The following CHRM3 variants were observed in gnomAD, a reference collection of about 807,000 sequenced individuals.
CHRM3 encodes cholinergic receptor muscarinic 3, also known as muscarinic acetylcholine receptor M3.
A neutral mutation model predicts 41.8 loss-of-function variants in CHRM3; 11 were observed. That is an observed-to-expected ratio of 0.26 (90% CI 0.17 to 0.44). CHRM3 has a LOEUF of 0.44. Among genes scored for constraint, CHRM3 ranks in the 20% least tolerant of loss-of-function variants. The pLI, the probability that CHRM3 is intolerant of heterozygous loss-of-function variation, is 1.00. For missense variants in CHRM3, 571 were observed against 745.4 expected (o/e 0.77, Z 2.72); for synonymous variants, 297 against 301.4 (o/e 0.99, Z 0.15).
intron 5 of CHRM3, among the ~76,000 whole-genome samples, chr1:239,787,276 T>C (rs903901388): frequency 6.6e-6 from 1 of 152,186 alleles, no homozygotes; most frequent in African/African-American, 2.4e-5. Flanking sequence ...ACTCAGAAGA[T>C]GTCTGATATG....
intron 5 of CHRM3, among the ~76,000 whole-genome samples, chr1:239,716,143 G>GT (rs1446068701): frequency 6.6e-6 from 1 of 152,078 alleles, no homozygotes; most frequent in Non-Finnish European, 1.5e-5. Flanking sequence ...TGAAGTGATA[G>GT]GCTATGATGT....
intron 3 of CHRM3, among the ~76,000 whole-genome samples, chr1:239,612,512 A>G (rs1667184054): frequency 6.6e-6 from 1 of 152,192 alleles, no homozygotes; most frequent in African/African-American, 2.4e-5. Flanking sequence ...GAAAAAAAGC[A>G]ATCAAATCCA....
chr1:239,849,617 G>C (rs1026770974), intron 6 of CHRM3, among the ~76,000 whole-genome samples: 3 of 152,140 alleles, frequency 2.0e-5, no homozygotes, highest in African/African-American at 7.2e-5. Flanking sequence ...TTTTCTCATA[G>C]TCTAAGCTAG....
At chr1:239,532,138 G>C (rs1297971784) in intron 2 of CHRM3, among the ~76,000 whole-genome samples, 1 of 139,176 alleles carries the variant, frequency 7.2e-6, no homozygotes, top group Non-Finnish European at 1.5e-5. Flanking sequence ...TCAGCCTCCC[G>C]AGTAGCTGGG....
At chr1:239,893,907 C>A (rs1414303508) in intron 6 of CHRM3, among the ~76,000 whole-genome samples, 1 of 152,040 alleles carries the variant, frequency 6.6e-6, no homozygotes, top group Non-Finnish European at 1.5e-5. Flanking sequence ...CCCAGTTTTT[C>A]CTATTGGTGA....
intron 2 of CHRM3, among the ~76,000 whole-genome samples, chr1:239,529,888 T>TTTA (rs892916280): frequency 1.3e-5 from 2 of 151,608 alleles, no homozygotes; most frequent in African/African-American, 4.8e-5. Context: ...AACTCCACAA[T>TTTA]TTATTATTAT....
chr1:239,640,043 T>G (rs986517255), intron 4 of CHRM3, among the ~76,000 whole-genome samples: 1 of 152,092 alleles, frequency 6.6e-6, no homozygotes, highest in African/African-American at 2.4e-5. Flanking sequence ...TGTCTTTGGT[T>G]TCTGTTTATA....
At chr1:239,842,210 C>CTT (rs11294705) in intron 6 of CHRM3, among the ~76,000 whole-genome samples, 3 of 128,042 alleles carry the variant, frequency 2.3e-5, no homozygotes, top group East Asian at 2.3e-4. Context: ...ACATGTACTT[C>CTT]TTTTTTTTTT....
chr1:239,788,342 CT>C (rs1423085579), intron 5 of CHRM3, among the ~76,000 whole-genome samples: 1 of 152,178 alleles, frequency 6.6e-6, no homozygotes, highest in Admixed American at 6.5e-5. Flanking sequence ...AACCACCAAC[CT>C]TCAGCAATTA....
At chr1:239,505,709 G>A (rs994796041) in intron 2 of CHRM3, among the ~76,000 whole-genome samples, 8 of 152,212 alleles carry the variant, frequency 5.3e-5, no homozygotes, top group Non-Finnish European at 1.0e-4. Flanking sequence ...AAATATGGAA[G>A]TTACTTTGGA....
intron 2 of CHRM3, among the ~76,000 whole-genome samples, chr1:239,536,177 TA>T (rs1300923623): frequency 3.3e-5 from 5 of 152,312 alleles, no homozygotes; most frequent in Admixed American, 3.3e-4. Context: ...CAGGTTTGCT[TA>T]GGTTTGATTG....
intron 1 of CHRM3, among the ~76,000 whole-genome samples, chr1:239,456,891 A>T (rs1200565349): frequency 6.6e-6 from 1 of 152,172 alleles, no homozygotes; most frequent in East Asian, 1.9e-4. Flanking sequence ...AAGTATAAAA[A>T]CTAAACATAC....
chr1:239,602,110 G>GTGTA (rs1307023039), intron 3 of CHRM3, among the ~76,000 whole-genome samples: 23 of 112,844 alleles, frequency 2.0e-4, no homozygotes, highest in African/African-American at 7.9e-4. Flanking sequence ...GTGTGTGTGT[G>GTGTA]TATATATATA....
At chr1:239,437,259 A>G (rs1558223423) in intron 1 of CHRM3, among the ~76,000 whole-genome samples, 1 of 152,132 alleles carries the variant, frequency 6.6e-6, no homozygotes. Context: ...GATTACACAG[A>G]CATGCCATTA....
intron 1 of CHRM3, among the ~76,000 whole-genome samples, chr1:239,395,456 T>C (rs1250656650): frequency 1.3e-5 from 2 of 152,184 alleles, no homozygotes; most frequent in Non-Finnish European, 2.9e-5. Flanking sequence ...TCTTGATTTA[T>C]TCTCTTCCCT....
intron 2 of CHRM3, among the ~76,000 whole-genome samples, chr1:239,505,263 GAT>G: frequency 1.1e-4 from 1 of 9,142 alleles, no homozygotes; most frequent in East Asian, 0.01. Context: ...TTCCTGGGAT[GAT>G]GATGATGATG....
intron 4 of CHRM3, among the ~76,000 whole-genome samples, chr1:239,666,110 G>A (rs1673771645): frequency 6.6e-6 from 1 of 152,026 alleles, no homozygotes; most frequent in Admixed American, 6.6e-5. Flanking sequence ...TTCCACAATG[G>A]TTGAACTAAT....
intron 2 of CHRM3, among the ~76,000 whole-genome samples, chr1:239,530,472 C>A (rs1328246489): frequency 6.6e-6 from 1 of 152,100 alleles, no homozygotes; most frequent in African/African-American, 2.4e-5. Flanking sequence ...ATGGAGACTT[C>A]CAGAGTGTGA....
At chr1:239,434,442 A>G (rs1663070610) in intron 1 of CHRM3, among the ~76,000 whole-genome samples, 1 of 152,206 alleles carries the variant, frequency 6.6e-6, no homozygotes, top group Non-Finnish European at 1.5e-5. Context: ...TATCTATATA[A>G]TAGCAGTGTT....
Sources: allele counts gnomAD v4.1 joint callset (sites outside exome capture counted in the v4.1 genomes callset), GRCh38; gene constraint gnomAD v4.1.1; transcripts MANE v1.5; gene names NCBI Gene and HGNC (gene_info 2026-07-23, HGNC 2026-07-21).